Variants in SETX observed in about 807,000 individuals in gnomAD.
SETX encodes the protein helicase senataxin.
In SETX, 90 loss-of-function variants were observed where a neutral mutation model predicts 227.2. The observed-to-expected ratio is 0.40, with a 90% CI of 0.33 to 0.47. The LOEUF is 0.47. SETX is among the 20% of genes least tolerant of loss of function. The pLI is 0.91. For synonymous variants in SETX, 1,210 were observed against 1,113.2 expected, an observed-to-expected ratio of 1.09 and a Z score of -1.73; for missense variants, 3,052 against 3,181.5, an observed-to-expected ratio of 0.96 and a Z score of 0.98.
chr9:132,345,978 C>T (rs139002063), intron 4 of SETX, among the ~76,000 whole-genome samples: 69 of 152,240 alleles, frequency 4.5e-4, no homozygotes, highest in African/African-American at 1.6e-3. Flanking sequence ...ATGACTGCGC[C>T]ACTGCACTTC....
rs1390732502 is a variant in SETX, at chr9:132,326,306, A to C, written c.5274+18T>G. 6.4e-7 allele frequency: 1 copy of C among 1,551,346 alleles called. No individual in the cohort carries two copies. The highest frequency in any genetic ancestry group is 1.1e-5 in the South Asian group (1 of 89,422). On this transcript the variant is annotated intron_variant, in intron 10 of 25. Coordinates refer to ENST00000224140, the MANE Select transcript of SETX (RefSeq NM_015046.7). ...CTTGAAAAGTTTGGAGAGGCATACA[A>C]ATGAAACACATACTTACTGTTTCAA...
chr9:132,340,301 TC>T (rs1484641957), intron 5 of SETX, among the ~76,000 whole-genome samples: 1 of 152,230 alleles, frequency 6.6e-6, no homozygotes, highest in Non-Finnish European at 1.5e-5. Flanking sequence ...ATTAGTATCT[TC>T]CCGTATTTCT....
chr9:132,322,699 T>G lies in SETX; in HGVS notation c.5274+3625A>C, dbSNP rs116225232. ...TACTCTTTAGTTTCCTGTTCTTAAA[T>G]GTGAGTAGACCACCAGAAATCATTA... is the stretch of plus-strand genomic sequence containing the variant. On this transcript the variant is annotated intron_variant, in intron 10 of 25. Transcript: ENST00000224140. Among the ~76,000 whole-genome samples the G allele has an allele frequency of 9.9e-3, 1,510 of 152,214 alleles. 24 individuals are homozygous for G. Among genetic ancestry groups the G allele is most frequent in the African/African-American group, 0.034 (1,407 of 41,502 alleles).
At chr9:132,325,182 C>T (rs1460132615) in intron 10 of SETX, among the ~76,000 whole-genome samples, 4 of 152,098 alleles carry the variant, frequency 2.6e-5, no homozygotes, top group South Asian at 2.1e-4. Flanking sequence ...TGGTGAAACC[C>T]CATCTCTACT....
At chr9:132,285,920 C>T (rs1485394660) in intron 18 of SETX, among the ~76,000 whole-genome samples, 2 of 148,574 alleles carry the variant, frequency 1.3e-5, no homozygotes, top group Admixed American at 6.7e-5. Context: ...TGGTGCCTCA[C>T]GCCTGTAATC....
chr9:132,318,699 GT>G (rs1469322650), intron 10 of SETX, among the ~76,000 whole-genome samples: 1 of 152,146 alleles, frequency 6.6e-6, no homozygotes, highest in Non-Finnish European at 1.5e-5. Context: ...TCCACTGTTA[GT>G]TATTCCTCAC....
chr9:132,313,624 T>C (rs912865387), intron 10 of SETX, among the ~76,000 whole-genome samples: 4 of 152,194 alleles, frequency 2.6e-5, no homozygotes, highest in Admixed American at 6.5e-5. Flanking sequence ...TCATAACTCA[T>C]GTGGCCTTGG....
intron 3 of SETX, among the ~76,000 whole-genome samples, chr9:132,348,373 C>CAAAAAA (rs11376483): frequency 1.6e-5 from 2 of 122,426 alleles, no homozygotes; most frequent in Non-Finnish European, 3.3e-5. Context: ...AAAAAAAAAA[C>CAAAAAA]AAAACAAAAA....
chr9:132,341,336 G>C (rs1312602355), intron 5 of SETX, among the ~76,000 whole-genome samples: 1 of 152,176 alleles, frequency 6.6e-6, no homozygotes, highest in Non-Finnish European at 1.5e-5. Context: ...TAAACCTAGA[G>C]AAAGGACCAA....
At chr9:132,298,379 C>T in intron 12 of SETX, 67 bp from the exon 13 acceptor site, 1 of 1,262,438 alleles carries the variant, frequency 7.9e-7, no homozygotes, top group South Asian at 1.2e-5. Context: ...TTGTAAAGGT[C>T]ATGCAGAATT....
At chr9:132,311,895 C>G (rs1002990940) in intron 10 of SETX, 39 bp from the exon 11 acceptor site, 1 of 1,427,544 alleles carries the variant, frequency 7.0e-7, no homozygotes, top group African/African-American at 1.4e-5. Context: ...AAGCAACATT[C>G]TGGAAAGTGA....
At chr9:132,316,217 T>C (rs1845959355) in intron 10 of SETX, among the ~76,000 whole-genome samples, 1 of 152,240 alleles carries the variant, frequency 6.6e-6, no homozygotes, top group Non-Finnish European at 1.5e-5. Context: ...TTTAACTTCC[T>C]TTCCTCCTTT....
At position 132,303,879 on chromosome 9, in the gene SETX, T is replaced by C. The variant is rs187414567; in HGVS notation, c.5375-3076A>G. Among the ~76,000 whole-genome samples, 123 of 152,296 alleles carry C rather than the reference T, an allele frequency of 8.1e-4. 1 individual carries two copies. The highest frequency in any genetic ancestry group is 3.0e-3 in the African/African-American group (123 of 41,572). The stretch of plus-strand genomic sequence containing the variant: ...GCTCACGTCTGTAATCCCAGCACTT[T>C]GGGAGGCCGAGGCGGGTGGTTCACC... On this transcript the variant is annotated intron_variant, in intron 11 of 25. Transcript: ENST00000224140.
chr9:132,300,605 T>A, intron 12 of SETX, 25 bp downstream of exon 12: 1 of 1,610,398 alleles, frequency 6.2e-7, no homozygotes, highest in Non-Finnish European at 8.5e-7. Context: ...TGACATTTCC[T>A]GTCAATGCCT....
chr9:132,342,041 T>C (rs1848007789), intron 5 of SETX, among the ~76,000 whole-genome samples: 1 of 152,186 alleles, frequency 6.6e-6, no homozygotes, highest in African/African-American at 2.4e-5. Context: ...ACCATGCTTT[T>C]TTTAAAAAAC....
At chr9:132,280,804 T>C (rs1380112068) in intron 20 of SETX, among the ~76,000 whole-genome samples, 2 of 152,348 alleles carry the variant, frequency 1.3e-5, no homozygotes, top group South Asian at 2.1e-4. Context: ...CTGATTCTAA[T>C]GTGCATTTCC....
chr9:132,347,562 A>C (rs1205507001), intron 3 of SETX, among the ~76,000 whole-genome samples: 1 of 151,996 alleles, frequency 6.6e-6, no homozygotes, highest in East Asian at 1.9e-4. Flanking sequence ...CACCTGCCTC[A>C]GCATCCCAAA....
Position 132,264,431 on chromosome 9 carries a change from C to T in SETX, c.7842G>A (p.Glu2614=). The change falls in exon 26 of 26, where the codon GAG becomes GAA. Residue 2614 remains glutamate, a synonymous_variant. Coordinates refer to ENST00000224140, the MANE Select transcript of SETX (RefSeq NM_015046.7). ...CACATTTGCTCTGACACGTGGAAGC[C>T]TCGGGACTGGCAGCTGGAGGTTCGC... ...VRGEPPAASP[E]ASTCQSKCDD... The T allele has an allele frequency of 6.2e-7, 1 of 1,614,072 alleles. No individual in the cohort carries two copies. Among genetic ancestry groups the T allele is most frequent in the Non-Finnish European group, 8.5e-7 (1 of 1,179,986 alleles).
chr9:132,276,195 A>AACCC (rs952872688), intron 22 of SETX, among the ~76,000 whole-genome samples: 2 of 152,192 alleles, frequency 1.3e-5, no homozygotes, highest in African/African-American at 4.8e-5. Flanking sequence ...CTAAATGGAC[A>AACCC]ACCCAATCAG....
Sources: gnomAD v4.1 joint callset for allele counts (sites outside exome capture counted in the v4.1 genomes callset) on GRCh38, gnomAD v4.1.1 for gene constraint, MANE v1.5 for transcripts, NCBI Gene and HGNC (gene_info 2026-07-23, HGNC 2026-07-21) for gene names.